The following PDE4B variants were observed in gnomAD, a reference collection of about 807,000 sequenced individuals.
PDE4B encodes the protein phosphodiesterase 4B, also known as 3',5'-cyclic-AMP phosphodiesterase 4B.
In PDE4B, 20 loss-of-function variants were observed where a neutral mutation model predicts 82.2. That is an observed-to-expected ratio of 0.24 (90% CI 0.17 to 0.35). PDE4B has a LOEUF of 0.35. PDE4B is among the 10% of genes least tolerant of loss of function. The pLI is 1.00. For synonymous variants in PDE4B, 320 were observed against 318.9 expected (o/e 1.00, Z -0.04); for missense variants, 655 against 907.2 (o/e 0.72, Z 3.57).
rs753108760 is a variant in PDE4B, at chr1:66,368,008, G to A, written c.1605G>A (p.Thr535=). The A allele has an allele frequency of 6.8e-6, 11 of 1,613,718 alleles. No individual in the cohort carries two copies. Among genetic ancestry groups the A allele is most frequent in the African/African-American group, 5.3e-5 (4 of 74,888 alleles). The change falls in exon 15 of 17, where the codon ACG becomes ACA. Residue 535 remains threonine, a synonymous_variant. Coordinates refer to ENST00000341517, the MANE Select transcript of PDE4B (RefSeq NM_002600.4). ...CAGACCTGAAGACAATGGTAGAAAC[G>A]AAGAAAGTTACAAGTTCAGGCGTTC... The part of the protein sequence containing the change: ...LLADLKTMVE[T]KKVTSSGVLL...
chr1:66,010,413 A>G (rs1447506812), intron 3 of PDE4B, among the ~76,000 whole-genome samples: 1 of 151,922 alleles, frequency 6.6e-6, no homozygotes, highest in East Asian at 1.9e-4. Context: ...ACTTAAATTC[A>G]TATTGTGATT....
At chr1:66,224,173 T>G (rs560912840) in intron 3 of PDE4B, among the ~76,000 whole-genome samples, 13 of 152,280 alleles carry the variant, frequency 8.5e-5, no homozygotes, top group African/African-American at 3.1e-4. Context: ...CTGCTTAGAT[T>G]TCTACTCCAT....
chr1:65,941,035 T>C (rs762473929), intron 3 of PDE4B, among the ~76,000 whole-genome samples: 3 of 152,084 alleles, frequency 2.0e-5, no homozygotes, highest in Non-Finnish European at 4.4e-5. Context: ...AAATATAATG[T>C]TGCAGATAAA....
chr1:65,940,755 C>T (rs1569761706), intron 3 of PDE4B, among the ~76,000 whole-genome samples: 1 of 151,678 alleles, frequency 6.6e-6, no homozygotes, highest in South Asian at 2.1e-4. Context: ...GGGGTATAAA[C>T]CAAAAGATCA....
intron 1 of PDE4B, among the ~76,000 whole-genome samples, chr1:65,806,518 ATTCACT>A (rs756985217): frequency 2.6e-5 from 4 of 152,244 alleles, no homozygotes; most frequent in Non-Finnish European, 5.9e-5. Flanking sequence ...CTAAAAACTG[ATTCACT>A]TTCAGAGTTT....
At chr1:66,210,062 C>A (rs893874071) in intron 3 of PDE4B, among the ~76,000 whole-genome samples, 1 of 152,096 alleles carries the variant, frequency 6.6e-6, no homozygotes, top group East Asian at 1.9e-4. Flanking sequence ...CTGAAGGATT[C>A]TCTGATTGTT....
At chr1:65,935,319 C>G (rs1648065305) in intron 3 of PDE4B, among the ~76,000 whole-genome samples, 1 of 145,230 alleles carries the variant, frequency 6.9e-6, no homozygotes. Context: ...AATATTGAGG[C>G]AAATTAAAAT....
intron 3 of PDE4B, among the ~76,000 whole-genome samples, chr1:66,109,434 A>G (rs1481807105): frequency 1.3e-5 from 2 of 151,350 alleles, no homozygotes; most frequent in African/African-American, 4.8e-5. Context: ...TGCCCAATTG[A>G]TGACACATTT....
chr1:66,078,866 C>T (rs1441438427), intron 3 of PDE4B, among the ~76,000 whole-genome samples: 1 of 152,112 alleles, frequency 6.6e-6, no homozygotes, highest in Non-Finnish European at 1.5e-5. Flanking sequence ...TCAAAGAACA[C>T]TCCTGTTCTC....
At chr1:66,234,512 C>T (rs1471322749) in intron 3 of PDE4B, among the ~76,000 whole-genome samples, 1 of 152,180 alleles carries the variant, frequency 6.6e-6, no homozygotes, top group Admixed American at 6.5e-5. Context: ...TGGTCTCAAA[C>T]GCCTGACCTC....
At chr1:66,295,112 G>A (rs541537071) in intron 7 of PDE4B, among the ~76,000 whole-genome samples, 1 of 152,272 alleles carries the variant, frequency 6.6e-6, no homozygotes, top group South Asian at 2.1e-4. Flanking sequence ...AGTAGATCAG[G>A]GACTTCGAAG....
intron 3 of PDE4B, among the ~76,000 whole-genome samples, chr1:65,951,286 T>C (rs1648979986): frequency 6.6e-6 from 1 of 152,148 alleles, no homozygotes; most frequent in Admixed American, 6.6e-5. Context: ...TTCCTTTCCA[T>C]GTGCCAGTGA....
intron 3 of PDE4B, among the ~76,000 whole-genome samples, chr1:66,046,541 G>A (rs992986030): frequency 2.0e-5 from 3 of 151,792 alleles, no homozygotes; most frequent in Admixed American, 2.0e-4. Context: ...AGAGAATCAG[G>A]AGTGAGCAAG....
At chr1:65,954,681 ATT>A in intron 3 of PDE4B, among the ~76,000 whole-genome samples, 1 of 152,162 alleles carries the variant, frequency 6.6e-6, no homozygotes, top group East Asian at 1.9e-4. Flanking sequence ...TTAGAAGAAA[ATT>A]TTAAAAACAG....
chr1:65,862,738 G>C (rs1421259988), intron 1 of PDE4B, among the ~76,000 whole-genome samples: 1 of 152,110 alleles, frequency 6.6e-6, no homozygotes, highest in East Asian at 1.9e-4. Flanking sequence ...GCTTGTTATT[G>C]GTCTATTCAG....
chr1:65,860,633 C>T (rs952344740), intron 1 of PDE4B, among the ~76,000 whole-genome samples: 6 of 152,172 alleles, frequency 3.9e-5, no homozygotes, highest in African/African-American at 1.4e-4. Flanking sequence ...CTGTCTTCCA[C>T]AATGGTTGAA....
At chr1:66,309,418 C>T (rs1160401038) in intron 7 of PDE4B, among the ~76,000 whole-genome samples, 1 of 152,202 alleles carries the variant, frequency 6.6e-6, no homozygotes, top group South Asian at 2.1e-4. Flanking sequence ...ATCTAGCTCC[C>T]TGGGCTTCTA....
chr1:66,058,339 G>A (rs192059273), intron 3 of PDE4B, among the ~76,000 whole-genome samples: 1 of 152,162 alleles, frequency 6.6e-6, no homozygotes, highest in African/African-American at 2.4e-5. Flanking sequence ...TTTTCCAGGT[G>A]CATGGTGCAA....
intron 1 of PDE4B, among the ~76,000 whole-genome samples, chr1:65,871,376 G>A (rs941404104): frequency 2.0e-5 from 3 of 152,140 alleles, no homozygotes; most frequent in African/African-American, 4.8e-5. Context: ...TAGTTTAACT[G>A]TTGACTTAAC....
Sources: gnomAD v4.1 joint callset for allele counts (sites outside exome capture counted in the v4.1 genomes callset) on GRCh38, gnomAD v4.1.1 for gene constraint, MANE v1.5 for transcripts, NCBI Gene and HGNC (gene_info 2026-07-23, HGNC 2026-07-21) for gene names.